Variants in NBPF20 observed in about 807,000 individuals in gnomAD.
The protein encoded by NBPF20 is NBPF member 20.
In NBPF20, 90 loss-of-function variants were observed where a neutral mutation model predicts 68.1. The observed-to-expected ratio is 1.32, with a 90% CI of 1.11 to 1.58. NBPF20 has a LOEUF of 1.58. NBPF20 is among the 40% of genes most tolerant of loss of function. The pLI is 0.00. For missense variants in NBPF20, 816 were observed against 601.2 expected (o/e 1.36, Z -3.74); for synonymous variants, 290 against 228.1 (o/e 1.27, Z -2.45).
Position 145,291,790 on chromosome 1 carries a change from A to C in NBPF20, c.16698-21T>G, listed in dbSNP as rs1216291297. ...TGAGCCTGGAAAAGGAGACAAAACTAAAGAAGCAGCCAGGGAAAATCAGAA... is the reference window on the plus strand; with the variant it reads ...TGAGCCTGGAAAAGGAGACAAAACTCAAGAAGCAGCCAGGGAAAATCAGAA... On this transcript the variant is annotated intron_variant, in intron 137 of 137. Coordinates refer to ENST00000369373, the Ensembl canonical transcript of NBPF20. 3 of 1,611,858 alleles carry C rather than the reference A, an allele frequency of 1.9e-6. No individual in the cohort carries two copies. The African/African-American group carries it at 4.0e-5, about 22-fold the overall frequency.
chr1:145,405,466 C>T, exon 1 of NBPF20: 1 of 1,544,342 alleles, frequency 6.5e-7, no homozygotes. Context: ...ACCACAAAAA[C>T]AAGGTTCAAG....
At chr1:145,400,430 G>T in exon 6 of NBPF20, 2 of 1,613,116 alleles carry the variant, frequency 1.2e-6, no homozygotes, top group East Asian at 2.2e-5. Context: ...AACATGAGAG[G>T]ATGAGCCAAT....
At position 145,311,063 on chromosome 1, in the gene NBPF20, A is replaced by G. The variant is rs1224220715; in HGVS notation, c.13713-233T>C. Reference sequence around the variant, plus strand: ...GAGAGAGAGAGAGAGAGGAGAAAGTAAGCTCAGCGAGTTGGCCGGGTGACA... The same window carrying G: ...GAGAGAGAGAGAGAGAGGAGAAAGTGAGCTCAGCGAGTTGGCCGGGTGACA... On this transcript the variant is annotated intron_variant, in intron 113 of 137. Coordinates refer to ENST00000369373, the Ensembl canonical transcript of NBPF20. 2.3e-3 allele frequency among the ~76,000 whole-genome samples: 192 copies of G among 82,792 alleles called. 2 individuals carry two copies. Among genetic ancestry groups the G allele is most frequent in the African/African-American group, 5.4e-3 (79 of 14,698 alleles). The allele number at this position is 82,792 out of a possible 152,430, so 54.3% of individuals were successfully genotyped here. A position where few individuals can be genotyped will look rare whatever the true frequency, so the allele number is the denominator to read the frequency against.
At chr1:145,291,817 C>A (rs781859863) in intron 137 of NBPF20, 48 bp from the exon 143 acceptor site, 43 of 1,611,708 alleles carry the variant, frequency 2.7e-5, no homozygotes, top group East Asian at 4.5e-5. Flanking sequence ...AAATCAGAAA[C>A]CACAGAGCCC....
intron 7 of NBPF20, among the ~76,000 whole-genome samples, chr1:145,397,766 C>T (rs1662328859): frequency 6.6e-6 from 1 of 152,004 alleles, no homozygotes; most frequent in Non-Finnish European, 1.5e-5. Flanking sequence ...GGCTAAATGC[C>T]CCAGTTAAAA....
At chr1:145,395,296 G>A (rs1372101115) in intron 7 of NBPF20, among the ~76,000 whole-genome samples, 155 bp from the exon 13 acceptor site, 28 of 150,000 alleles carry the variant, frequency 1.9e-4, no homozygotes, top group South Asian at 6.4e-4. Context: ...CCTTCTAAAT[G>A]CAGGGTGGAG....
intron 8 of NBPF20, 42 bp from the exon 14 acceptor site, chr1:145,393,977 C>T (rs1266419416): frequency 5.0e-6 from 5 of 1,005,210 alleles, no homozygotes; most frequent in African/African-American, 1.6e-5. Flanking sequence ...TTAAGCAGTT[C>T]TTCCTTGCAC....
chr1:145,405,933 T>G (rs1333143965), upstream of NBPF20, among the ~76,000 whole-genome samples: 3 of 151,294 alleles, frequency 2.0e-5, no homozygotes, highest in East Asian at 5.8e-4. Flanking sequence ...TTTTTTTTTT[T>G]TTGGAGACAG....
intron 115 of NBPF20, among the ~76,000 whole-genome samples, chr1:145,309,525 A>G (rs1303428774): frequency 2.7e-3 from 174 of 64,828 alleles, no homozygotes; most frequent in Non-Finnish European, 3.4e-3. Flanking sequence ...TCAGTGAATT[A>G]TCCAGGTGAC....
At chr1:145,405,773 A>G (rs1288612158), upstream of NBPF20, 6 of 386,850 alleles carry the variant, frequency 1.6e-5, no homozygotes, top group African/African-American at 2.2e-5. Flanking sequence ...CAATACATCT[A>G]AGCATATTCC....
At chr1:145,292,016 C>A (rs61812480) in intron 137 of NBPF20, among the ~76,000 whole-genome samples, 2 of 144,664 alleles carry the variant, frequency 1.4e-5, no homozygotes, top group Admixed American at 6.7e-5. Context: ...TAGTGAATTG[C>A]CCAGGTGACA....
chr1:145,291,841 A>G (rs1661123359), intron 137 of NBPF20, 72 bp from the exon 143 acceptor site: 3 of 1,611,128 alleles, frequency 1.9e-6, no homozygotes, highest in Non-Finnish European at 2.5e-6. Context: ...TAGATTTCAG[A>G]AGTCACATAA....
At chr1:145,419,681 G>A in the NBPF20 span, among the ~76,000 whole-genome samples, 1 of 152,006 alleles carries the variant, frequency 6.6e-6, no homozygotes, top group East Asian at 1.9e-4. Context: ...GGACGGCCAC[G>A]TGAGAAGGAT....
the NBPF20 span, among the ~76,000 whole-genome samples, chr1:145,419,006 T>C: frequency 7.5e-6 from 1 of 132,462 alleles, no homozygotes; most frequent in Admixed American, 7.8e-5. Context: ...AGAGAGAGCA[T>C]GAGAGACAAA....
At chr1:145,395,278 A>C in intron 7 of NBPF20, 137 bp from the exon 13 acceptor site, 1 of 1,085,110 alleles carries the variant, frequency 9.2e-7, no homozygotes, top group South Asian at 1.5e-5. Flanking sequence ...CAAGAGAAAT[A>C]AAACTATCCT....
exon 6 of NBPF20, chr1:145,400,574 T>C (rs1662475437): frequency 3.7e-6 from 6 of 1,611,938 alleles, no homozygotes; most frequent in Non-Finnish European, 3.4e-6. Flanking sequence ...GACTTCCTTT[T>C]CTTCAGCCTT....
upstream of NBPF20, among the ~76,000 whole-genome samples, chr1:145,405,980 G>A (rs1229284339): frequency 2.0e-5 from 3 of 149,428 alleles, no homozygotes; most frequent in South Asian, 2.1e-4. Context: ...GTGCAGTGAC[G>A]CGATCTAGGC....
intron 2 of NBPF20, among the ~76,000 whole-genome samples, chr1:145,404,520 GT>G (rs1662678021): frequency 6.6e-6 from 1 of 152,112 alleles, no homozygotes; most frequent in Admixed American, 6.5e-5. Flanking sequence ...GCCTCCCAAA[GT>G]GCTGAGATTA....
Position 145,404,408 on chromosome 1 carries a change from A to G in NBPF20, c.175+690T>C, listed in dbSNP as rs4593759. ...CGATTAGTGGTGATTACAGTTGCCCACCACGACGCCCATCTACTTTTTGTA... is the reference window on the plus strand; with the variant it reads ...CGATTAGTGGTGATTACAGTTGCCCGCCACGACGCCCATCTACTTTTTGTA... On this transcript the variant is annotated intron_variant, in intron 2 of 137. Transcript: ENST00000369373. 3.4e-3 allele frequency among the ~76,000 whole-genome samples: 510 copies of G among 152,046 alleles called. 1 individual carries two copies. The highest frequency in any genetic ancestry group is 7.1e-3 in the Admixed American group (108 of 15,248).
Sources: gnomAD v4.1 joint callset for allele counts (sites outside exome capture counted in the v4.1 genomes callset) on GRCh38, gnomAD v4.1.1 for gene constraint, MANE v1.5 for transcripts, NCBI Gene and HGNC (gene_info 2026-07-23, HGNC 2026-07-21) for gene names.